Variants in CERT1 observed in about 807,000 individuals in gnomAD.
The protein encoded by CERT1 is ceramide transporter 1.
A neutral mutation model predicts 87.9 loss-of-function variants in CERT1; 31 were observed. That is an observed-to-expected ratio of 0.35 (90% CI 0.27 to 0.48). The LOEUF (loss-of-function observed/expected upper bound fraction) is 0.48. Ranked by LOEUF, CERT1 falls within the 20% of genes least tolerant of loss-of-function variation. The pLI is 0.99. For missense variants in CERT1, 487 were observed against 758.0 expected (o/e 0.64, Z 4.20); for synonymous variants, 289 against 250.9 (o/e 1.15, Z -1.44).
chr5:75,421,131 A>G (rs80211882), intron 5 of CERT1, among the ~76,000 whole-genome samples: 1,611 of 152,300 alleles, frequency 0.011, 28 homozygotes, highest in African/African-American at 0.037. Flanking sequence ...TTATCTTTTC[A>G]GGAACTCCCT....
downstream of CERT1, chr5:75,374,862 A>C: frequency 2.3e-6 from 1 of 439,356 alleles, no homozygotes; most frequent in Admixed American, 2.6e-5. Flanking sequence ...GAAAAATAAA[A>C]TGGAAATTGT....
intron 7 of CERT1, among the ~76,000 whole-genome samples, chr5:75,412,818 T>C (rs1356877539): frequency 2.0e-5 from 3 of 152,224 alleles, no homozygotes; most frequent in African/African-American, 7.2e-5. Flanking sequence ...GAGTGAGTAG[T>C]CAATGAATGT....
chr5:75,492,297 A>C (rs189648622), intron 2 of CERT1, among the ~76,000 whole-genome samples: 87 of 152,264 alleles, frequency 5.7e-4, no homozygotes, highest in Middle Eastern at 3.4e-3. Flanking sequence ...CAGGAGGTCA[A>C]GGTGGCAGCA....
chr5:75,392,555 A>T (rs1263161619), intron 11 of CERT1, among the ~76,000 whole-genome samples: 1 of 152,198 alleles, frequency 6.6e-6, no homozygotes, highest in Admixed American at 6.5e-5. Context: ...CTGTAGGAAA[A>T]TACAAAGTAA....
chr5:75,419,493 A>T, intron 5 of CERT1, 69 bp from the exon 6 acceptor site: 1 of 1,041,800 alleles, frequency 9.6e-7, no homozygotes, highest in East Asian at 2.6e-5. Context: ...CTTATGTTCA[A>T]CTGAGTCATT....
intron 2 of CERT1, among the ~76,000 whole-genome samples, chr5:75,474,343 G>C (rs1765858503): frequency 6.6e-6 from 1 of 152,144 alleles, no homozygotes; most frequent in Non-Finnish European, 1.5e-5. Flanking sequence ...GCTCCCAGCT[G>C]AATAAAGCCC....
rs376573319 is a variant in CERT1 at position 75,396,438 on chromosome 5, C to T, written c.1188+2872G>A. ...CTGATGTATATTTGTGTATTAAGAACGATGTAGGCCAGGTGTGGCGGCTCA... is the reference window on the plus strand; with the variant it reads ...CTGATGTATATTTGTGTATTAAGAATGATGTAGGCCAGGTGTGGCGGCTCA... On this transcript the variant is annotated intron_variant, in intron 11 of 16. Transcript: ENST00000643780. Among the ~76,000 whole-genome samples, 63 of 152,148 alleles carry T rather than the reference C, an allele frequency of 4.1e-4. 1 individual carries two copies. Among genetic ancestry groups the T allele is most frequent in the African/African-American group, 1.5e-3 (61 of 41,528 alleles).
chr5:75,436,481 T>C (rs1764101973), intron 3 of CERT1, among the ~76,000 whole-genome samples: 1 of 152,234 alleles, frequency 6.6e-6, no homozygotes, highest in South Asian at 2.1e-4. Flanking sequence ...CTATTTCTTA[T>C]ACTGGTTTTG....
intron 1 of CERT1, 56 bp downstream of exon 1, chr5:75,511,056 T>G: frequency 6.8e-7 from 1 of 1,470,350 alleles, no homozygotes; most frequent in Non-Finnish European, 9.0e-7. Context: ...CCTCAGCGGA[T>G]TGCCTCGCTG....
In CERT1 at chr5:75,511,541, AAAG is replaced by A; in HGVS notation, c.-337_-335del. The A allele has an allele frequency of 6.8e-7, 1 of 1,460,374 alleles. No individual in the cohort carries two copies. The highest frequency in any genetic ancestry group is 9.0e-7 in the Non-Finnish European group (1 of 1,108,512). The allele number at this position is 1,460,374 out of a possible 1,614,324, so 90.5% of individuals were successfully genotyped here. A position where few individuals can be genotyped will look rare whatever the true frequency, so the allele number is the denominator to read the frequency against. On this transcript the variant is annotated 5_prime_UTR_variant, in exon 1 of 17. Transcript: ENST00000643780. ...ATTTCAAATAGGGAAGGAAAAGGGA[AAAG>A]AAGGGAAGAGAAAATCCGGCCGCTG... is the stretch of plus-strand genomic sequence containing the variant.
chr5:75,474,419 G>C (rs1479380482), intron 2 of CERT1, among the ~76,000 whole-genome samples: 2 of 152,062 alleles, frequency 1.3e-5, no homozygotes, highest in Non-Finnish European at 2.9e-5. Context: ...TTACAGTTTG[G>C]TGAAATAAAG....
At chr5:75,413,933 A>T (rs187056645) in intron 7 of CERT1, among the ~76,000 whole-genome samples, 1 of 152,176 alleles carries the variant, frequency 6.6e-6, no homozygotes, top group African/African-American at 2.4e-5. Context: ...ATGCCCCAAG[A>T]ACTCTCATAG....
intron 6 of CERT1, among the ~76,000 whole-genome samples, chr5:75,417,361 A>G (rs1763174379): frequency 6.6e-6 from 1 of 152,204 alleles, no homozygotes; most frequent in African/African-American, 2.4e-5. Flanking sequence ...TAATTATGGC[A>G]AGAACTACCT....
In CERT1 at chr5:75,496,301, A is replaced by C. The variant is rs929541548; in HGVS notation, c.231+9681T>G. Among the ~76,000 whole-genome samples, 470 of 151,640 alleles carry C rather than the reference A, an allele frequency of 3.1e-3. 1 individual carries two copies. The highest frequency in any genetic ancestry group is 0.014 in the East Asian group (71 of 5,188). On this transcript the variant is annotated intron_variant, in intron 2 of 16. Transcript: ENST00000643780. ...GGTTAAGATTAAAAAAAAAAAAAAA[A>C]CCCAAAAAATGTGACAATACCAAAT...
chr5:75,470,229 T>G (rs186614440), intron 2 of CERT1, among the ~76,000 whole-genome samples: 1 of 152,274 alleles, frequency 6.6e-6, no homozygotes. Context: ...ACAGAACATT[T>G]CAGTTGCAGA....
At chr5:75,369,687 A>T (rs1761015857) in intron 17 of CERT1, 1 of 152,234 alleles carries the variant, frequency 6.6e-6, no homozygotes, top group Non-Finnish European at 1.5e-5. Context: ...AGATACCCTC[A>T]CACACCACCT....
At chr5:75,439,029 C>T (rs893519392) in intron 3 of CERT1, among the ~76,000 whole-genome samples, 21 of 150,998 alleles carry the variant, frequency 1.4e-4, no homozygotes, top group African/African-American at 4.1e-4. Context: ...AAAGCTGATA[C>T]GAAGGTTACT....
chr5:75,398,326 T>C (rs1017137039), intron 11 of CERT1, among the ~76,000 whole-genome samples: 1 of 152,172 alleles, frequency 6.6e-6, no homozygotes, highest in African/African-American at 2.4e-5. Context: ...ATGATGTAGA[T>C]AACTTTTATT....
chr5:75,459,962 CAA>C (rs753591061), intron 2 of CERT1, among the ~76,000 whole-genome samples: 2 of 25,544 alleles, frequency 7.8e-5, no homozygotes, highest in African/African-American at 1.4e-4. Flanking sequence ...TCCTCCGTCT[CAA>C]AAAAAAAAAA....
Sources: allele counts gnomAD v4.1 joint callset (sites outside exome capture counted in the v4.1 genomes callset), GRCh38; gene constraint gnomAD v4.1.1; transcripts MANE v1.5; gene names NCBI Gene and HGNC (gene_info 2026-07-23, HGNC 2026-07-21).